Variants in CCDC18 observed in about 807,000 individuals in gnomAD.
The protein encoded by CCDC18 is coiled-coil domain-containing protein 18.
CCDC18 carries 157 observed loss-of-function variants against 196.0 expected under a neutral mutation model. That is an observed-to-expected ratio of 0.80 (90% CI 0.70 to 0.91). The LOEUF is 0.91. Among genes scored for constraint, CCDC18 ranks in the 40% least tolerant of loss-of-function variants. The probability of loss-of-function intolerance (pLI) is 0.00; values close to 1 mark genes in which losing one functional copy is unlikely to be tolerated. For synonymous variants in CCDC18, 482 were observed against 529.2 expected, an observed-to-expected ratio of 0.91 and a Z score of 1.22; for missense variants, 1,465 against 1,611.6, an observed-to-expected ratio of 0.91 and a Z score of 1.56.
At chr1:93,234,836 G>A (rs1267400716) in intron 18 of CCDC18, among the ~76,000 whole-genome samples, 1 of 142,218 alleles carries the variant, frequency 7.0e-6, no homozygotes, top group African/African-American at 2.6e-5. Context: ...AGGCTGGAGT[G>A]CAGTGACATG....
At position 93,254,622 on chromosome 1, in the gene CCDC18, A is replaced by T. The variant is rs985484180; in HGVS notation, c.3342+8A>T. On this transcript the variant is annotated splice_region_variant and intron_variant, in intron 24 of 28. Transcript: ENST00000690025. The stretch of plus-strand genomic sequence containing the variant: ...ATGAAAGAAATGGAGAGTGTAAGCA[A>T]ATTATTTCCACCTAAGGAACAAGTG... 1 of 1,604,710 alleles carries T rather than the reference A, an allele frequency of 6.2e-7. No individual in the cohort carries two copies. Among genetic ancestry groups the T allele is most frequent in the Non-Finnish European group, 8.5e-7 (1 of 1,176,398 alleles).
At chr1:93,226,958 C>A (rs1352608469) in intron 17 of CCDC18, among the ~76,000 whole-genome samples, 2 of 151,962 alleles carry the variant, frequency 1.3e-5, no homozygotes, top group Non-Finnish European at 2.9e-5. Flanking sequence ...AATTCTAATT[C>A]TTTTATTTTT....
In CCDC18 at chr1:93,260,166, T is replaced by C. The variant is rs572194697; in HGVS notation, c.3684+1281T>C. On this transcript the variant is annotated intron_variant, in intron 26 of 28. Coordinates refer to ENST00000690025, the MANE Select transcript of CCDC18 (RefSeq NM_001378204.1). ...TGGGAGGCCAAGGCAGGTGGATCTC[T>C]TGAGGTCAGGAGTTCGAGACCAGCC... 1.2e-4 allele frequency among the ~76,000 whole-genome samples: 18 copies of C among 152,232 alleles called. No homozygotes were observed. The East Asian group carries it at 3.3e-3, about 28-fold the overall frequency.
chr1:93,183,458 G>C lies in CCDC18; in HGVS notation c.97G>C (p.Glu33Gln), dbSNP rs1381087137. The change falls in exon 2 of 29, where the codon GAA becomes CAA. Residue 33 changes from glutamate to glutamine, a missense_variant. Glu to Gln is a conservative substitution (Grantham distance 29, BLOSUM62 2). Coordinates refer to ENST00000690025, the MANE Select transcript of CCDC18 (RefSeq NM_001378204.1). ...CTTAAGACATGAACTGAAGATAACA[G>C]AATGGAGTTTGCAGAGTTTAGGGGA... ...ASLRHELKITEWSLQSLGEEL... is the reference protein window; with the variant it reads ...ASLRHELKITQWSLQSLGEEL... 1 of 1,605,780 alleles carries C rather than the reference G, an allele frequency of 6.2e-7. No individual in the cohort carries two copies. Among genetic ancestry groups the C allele is most frequent in the Non-Finnish European group, 8.5e-7 (1 of 1,175,946 alleles).
intron 23 of CCDC18, among the ~76,000 whole-genome samples, chr1:93,253,486 C>T (rs1662538320): frequency 6.6e-6 from 1 of 152,170 alleles, no homozygotes; most frequent in Non-Finnish European, 1.5e-5. Flanking sequence ...ACTGGGTCCC[C>T]TTGGGATCTG....
intron 19 of CCDC18, 46 bp downstream of exon 19, chr1:93,236,436 T>C (rs1346876919): frequency 2.6e-6 from 4 of 1,547,372 alleles, no homozygotes; most frequent in Non-Finnish European, 3.5e-6. Context: ...TCAATATCAG[T>C]GGTATCTGAG....
intron 23 of CCDC18, among the ~76,000 whole-genome samples, chr1:93,252,344 T>C (rs969325165): frequency 6.6e-6 from 1 of 152,234 alleles, no homozygotes; most frequent in African/African-American, 2.4e-5. Context: ...GTTCTGATTA[T>C]ATATTTTCAA....
At chr1:93,258,935 C>G in intron 26 of CCDC18, 50 bp downstream of exon 26, 1 of 1,484,436 alleles carries the variant, frequency 6.7e-7, no homozygotes, top group South Asian at 1.3e-5. Flanking sequence ...AGTAGGTTGA[C>G]CTATCTGGAC....
chr1:93,180,703 C>A, upstream of CCDC18: 1 of 1,356,626 alleles, frequency 7.4e-7, no homozygotes, highest in Non-Finnish European at 9.8e-7. Flanking sequence ...CGGGTAGGCG[C>A]GTCCCAACGG....
rs1208059439 is a variant in CCDC18 at position 93,221,759 on chromosome 1, T to C, written c.2097+16T>C. ...AAGCAAAGGGGTAAAATCATCCTTATAAAAGTGCTATTTAGAAGTTGACTA... is the reference window on the plus strand; with the variant it reads ...AAGCAAAGGGGTAAAATCATCCTTACAAAAGTGCTATTTAGAAGTTGACTA... On this transcript the variant is annotated intron_variant, in intron 15 of 28. Coordinates refer to ENST00000690025, the MANE Select transcript of CCDC18 (RefSeq NM_001378204.1). The C allele has an allele frequency of 6.3e-7, 1 of 1,597,024 alleles. No homozygotes were observed. Among genetic ancestry groups the C allele is most frequent in the Non-Finnish European group, 8.5e-7 (1 of 1,175,656 alleles).
intron 17 of CCDC18, 38 bp from the exon 18 acceptor site, chr1:93,232,388 T>C (rs749978257): frequency 9.7e-6 from 12 of 1,235,288 alleles, no homozygotes; most frequent in Admixed American, 4.7e-5. Flanking sequence ...ATTTGAAACA[T>C]TGCATTGTAT....
At position 93,256,463 on chromosome 1, in the gene CCDC18, G is replaced by C. The variant is rs1489126022; in HGVS notation, c.3471G>C (p.Gln1157His). 1 of 1,614,082 alleles carries C rather than the reference G, an allele frequency of 6.2e-7. No individual in the cohort carries two copies. Among genetic ancestry groups the C allele is most frequent in the South Asian group, 1.1e-5 (1 of 91,078 alleles). ...CAGAATTGGCAGAGGCTCGTCATCA[G>C]CAAGTCCAAGCACAGAGAGAAATAG... is the stretch of plus-strand genomic sequence containing the variant. ...SHTELAEARHQQVQAQREIER... is the reference protein window; with the variant it reads ...SHTELAEARHHQVQAQREIER... The change falls in exon 25 of 29, where the codon CAG becomes CAC. Residue 1157 changes from glutamine to histidine, a missense_variant. Physicochemically the swap from Gln to His is conservative, Grantham distance 24. Coordinates refer to ENST00000690025, the MANE Select transcript of CCDC18 (RefSeq NM_001378204.1).
At position 93,209,489 on chromosome 1, in the gene CCDC18, T is replaced by G. The variant is rs560523764; in HGVS notation, c.1210-1313T>G. Reference sequence around the variant, plus strand: ...TAGACTTACCAATGTTAAACTGTTATGAACTGTGGAATTATGAACCAAAAA... The same window carrying G: ...TAGACTTACCAATGTTAAACTGTTAGGAACTGTGGAATTATGAACCAAAAA... On this transcript the variant is annotated intron_variant, in intron 9 of 28. Transcript: ENST00000690025. Among the ~76,000 whole-genome samples the G allele has an allele frequency of 2.6e-5, 4 of 152,348 alleles. No homozygotes were observed. In the South Asian group the frequency reaches 8.3e-4, roughly 32 times the overall value.
At chr1:93,231,962 T>C (rs1659304921) in intron 17 of CCDC18, among the ~76,000 whole-genome samples, 1 of 152,206 alleles carries the variant, frequency 6.6e-6, no homozygotes, top group Non-Finnish European at 1.5e-5. Context: ...GTTCCCTCCT[T>C]CTGGGAGAGG....
intron 7 of CCDC18, among the ~76,000 whole-genome samples, chr1:93,204,299 AG>A (rs1369871543): frequency 1.3e-5 from 2 of 152,114 alleles, no homozygotes; most frequent in African/African-American, 4.8e-5. Flanking sequence ...AACAGAAAAA[AG>A]TTTTAGGTGG....
chr1:93,209,178 G>A (rs1011162570), intron 9 of CCDC18, among the ~76,000 whole-genome samples: 6 of 151,822 alleles, frequency 4.0e-5, no homozygotes, highest in Non-Finnish European at 1.5e-5. Context: ...GGCTGGTCTC[G>A]AACTCCCAAC....
intron 11 of CCDC18, among the ~76,000 whole-genome samples, chr1:93,213,196 A>G (rs1159635126): frequency 6.6e-6 from 1 of 151,658 alleles, no homozygotes; most frequent in Admixed American, 6.6e-5. Flanking sequence ...CCAGTTCCTA[A>G]TGGGCCATGG....
chr1:93,257,231 C>CAAAA (rs71586787), intron 25 of CCDC18, among the ~76,000 whole-genome samples: 25 of 46,500 alleles, frequency 5.4e-4, no homozygotes, highest in Admixed American at 1.3e-3. Flanking sequence ...GACTCCATCT[C>CAAAA]AAAAAAAAAA....
chr1:93,235,345 AAAGT>A (rs1353820753), intron 18 of CCDC18, among the ~76,000 whole-genome samples: 2 of 152,242 alleles, frequency 1.3e-5, no homozygotes, highest in Non-Finnish European at 2.9e-5. Flanking sequence ...CATGGAAGCC[AAAGT>A]AAGTATTTCA....
Sources: allele counts gnomAD v4.1 joint callset (sites outside exome capture counted in the v4.1 genomes callset), GRCh38; gene constraint gnomAD v4.1.1; transcripts MANE v1.5; gene names NCBI Gene and HGNC (gene_info 2026-07-23, HGNC 2026-07-21).